The following LMO1 variants were observed in gnomAD, a reference collection of about 807,000 sequenced individuals.
The protein encoded by LMO1 is rhombotin-1.
LMO1 carries 10 observed loss-of-function variants against 18.0 expected under a neutral mutation model. That is an observed-to-expected ratio of 0.55 (90% CI 0.34 to 0.94). The LOEUF is 0.94. Ranked by LOEUF, LMO1 falls within the 40% of genes least tolerant of loss-of-function variation. LMO1 has a pLI of 0.02. For synonymous variants in LMO1, 77 were observed against 77.9 expected (o/e 0.99, Z 0.06); for missense variants, 183 against 205.7 (o/e 0.89, Z 0.68).
At chr11:8,244,875 T>C (rs536296660) in intron 1 of LMO1, among the ~76,000 whole-genome samples, 2 of 152,288 alleles carry the variant, frequency 1.3e-5, no homozygotes, top group South Asian at 4.1e-4. Flanking sequence ...CTCACCTTCC[T>C]GGCCAGCCCA....
chr11:8,226,961 A>C lies in LMO1; in HGVS notation c.365+14T>G. ...GTCTGGGGAGTGTGTTGGGTCGGCC[A>C]GTCCAGCACTGACCTCTGGTTGCAG... On this transcript the variant is annotated intron_variant, in intron 3 of 3. Transcript: ENST00000335790. The C allele has an allele frequency of 6.2e-7, 1 of 1,605,792 alleles. No homozygotes were observed. The highest frequency in any genetic ancestry group is 8.5e-7 in the Non-Finnish European group (1 of 1,174,270).
chr11:8,233,105 C>T (rs746860408), intron 1 of LMO1, among the ~76,000 whole-genome samples: 19 of 152,218 alleles, frequency 1.2e-4, no homozygotes, highest in Non-Finnish European at 2.5e-4. Flanking sequence ...AAGACCTGGA[C>T]ACCCCTCCCT....
At chr11:8,252,634 T>A (rs1847020655) in intron 1 of LMO1, among the ~76,000 whole-genome samples, 1 of 152,262 alleles carries the variant, frequency 6.6e-6, no homozygotes, top group Non-Finnish European at 1.5e-5. Flanking sequence ...GGCAGCCACG[T>A]TGGAGAGGCC....
chr11:8,262,205 A>C (rs1388123364), intron 1 of LMO1, among the ~76,000 whole-genome samples: 1 of 152,220 alleles, frequency 6.6e-6, no homozygotes, highest in African/African-American at 2.4e-5. Flanking sequence ...TGGCCACTAC[A>C]GTCACTTTAA....
chr11:8,259,449 G>A (rs1009306501), intron 1 of LMO1, among the ~76,000 whole-genome samples: 3 of 152,202 alleles, frequency 2.0e-5, no homozygotes, highest in African/African-American at 4.8e-5. Flanking sequence ...GAGGGCTGCC[G>A]CTGGGGCTGG....
rs1389238703 is a variant in LMO1, at chr11:8,224,390, ATACAGAAGACAGACTG to A, written c.*210_*225del. 1 of 537,702 alleles carries A rather than the reference ATACAGAAGACAGACTG, an allele frequency of 1.9e-6. No individual in the cohort carries two copies. Among genetic ancestry groups the A allele is most frequent in the Admixed American group, 3.1e-5 (1 of 32,212 alleles). 33.3% of individuals were successfully genotyped at this position (537,702 alleles called of 1,614,324 possible). A position where few individuals can be genotyped will look rare whatever the true frequency, so the allele number is the denominator to read the frequency against. On this transcript the variant is annotated 3_prime_UTR_variant, in exon 4 of 4. Coordinates refer to ENST00000335790, the MANE Select transcript of LMO1 (RefSeq NM_002315.3). ...TCATAAAATAAATGTTCCCATTTATATACAGAAGACAGACTGTACAGGCCCGGCCTGGCCCCAGGAG... is the reference window on the plus strand; with the variant it reads ...TCATAAAATAAATGTTCCCATTTATATACAGGCCCGGCCTGGCCCCAGGAG...
intron 1 of LMO1, among the ~76,000 whole-genome samples, chr11:8,254,663 G>A (rs1447250152): frequency 1.3e-5 from 2 of 152,172 alleles, no homozygotes; most frequent in Admixed American, 1.3e-4. Flanking sequence ...GGGCTCCCAT[G>A]GCAGCCCCAC....
chr11:8,249,441 G>T (rs1199004950), intron 1 of LMO1, among the ~76,000 whole-genome samples: 1 of 152,204 alleles, frequency 6.6e-6, no homozygotes, highest in Non-Finnish European at 1.5e-5. Flanking sequence ...TTAATAAAAT[G>T]TAAATTTGAG....
rs142817725 is a variant in LMO1, at chr11:8,224,772, A to AG, written c.366-52dup. ...AGCCATGGGAAGGTCCCAGTGGGTAAGGGGGGGGCTGCAGACAGAAGCCGG... is the reference window on the plus strand; with the variant it reads ...AGCCATGGGAAGGTCCCAGTGGGTAAGGGGGGGGGCTGCAGACAGAAGCCGG... On this transcript the variant is annotated intron_variant, in intron 3 of 3. Transcript: ENST00000335790. The AG allele has an allele frequency of 9.8e-4, 1,216 of 1,239,696 alleles. 4 individuals are homozygous for AG. In the African/African-American group the frequency reaches 0.01, roughly 10 times the overall value. The allele number at this position is 1,239,696 out of a possible 1,614,324, so 76.8% of individuals were successfully genotyped here.
chr11:8,247,954 GCC>G (rs1264378336), intron 1 of LMO1, among the ~76,000 whole-genome samples: 1 of 152,226 alleles, frequency 6.6e-6, no homozygotes, highest in Non-Finnish European at 1.5e-5. Context: ...GCACAGTGCT[GCC>G]TGGCTGGCAA....
chr11:8,224,638 GT>G lies in LMO1; in HGVS notation c.448del (p.Thr150ProfsTer68). The G allele has an allele frequency of 6.2e-7, 1 of 1,607,902 alleles. No homozygotes were observed. Among genetic ancestry groups the G allele is most frequent in the Non-Finnish European group, 8.5e-7 (1 of 1,176,548 alleles). ...GCGTTACTGAACTTGGGATTCAAAG[GT>G]GCCATTGAGCTGCCCTTCCTCATAG... Reference protein sequence around the residue: ...MDYEEGQLNGTFESQVQ With the variant: ...MDYEEGQLNGXFESQVQ On this transcript the variant is annotated frameshift_variant, in exon 4 of 4. Transcript: ENST00000335790. LOFTEE classifies it high-confidence loss of function.
At chr11:8,245,069 T>C (rs114102081) in intron 1 of LMO1, among the ~76,000 whole-genome samples, 1,692 of 152,318 alleles carry the variant, frequency 0.011, 33 homozygotes, top group African/African-American at 0.038. Context: ...TCCCAAGTCC[T>C]TGTTGTGGTG....
intron 1 of LMO1, among the ~76,000 whole-genome samples, chr11:8,261,885 C>A (rs1424624865): frequency 6.6e-6 from 1 of 152,138 alleles, no homozygotes; most frequent in South Asian, 2.1e-4. Flanking sequence ...ATGTCCCACC[C>A]CAGCTAGCCC....
At chr11:8,224,906 AGGCCAGCCCCAACCTT>A (rs1952506421) in intron 3 of LMO1, among the ~76,000 whole-genome samples, 185 bp from the exon 4 acceptor site, 1 of 152,088 alleles carries the variant, frequency 6.6e-6, no homozygotes, top group Non-Finnish European at 1.5e-5. Flanking sequence ...CAATTCCCCC[AGGCCAGCCCCAACCTT>A]GGCCAGGCCC....
chr11:8,267,376 C>A (rs988061244), upstream of LMO1, among the ~76,000 whole-genome samples: 3 of 152,250 alleles, frequency 2.0e-5, no homozygotes, highest in Non-Finnish European at 4.4e-5. Context: ...AAGGGACTAG[C>A]TGGGCCAGAG....
chr11:8,225,399 CATCT>C (rs1462889281), intron 3 of LMO1, among the ~76,000 whole-genome samples: 3 of 70,142 alleles, frequency 4.3e-5, no homozygotes, highest in Non-Finnish European at 7.8e-5. Context: ...AGTAAGACTC[CATCT>C]CAAAAAAAAA....
rs939874738 is a variant in LMO1, at chr11:8,251,987, G to T, written c.25+11351C>A. Among the ~76,000 whole-genome samples, 86 of 111,594 alleles carry T rather than the reference G, an allele frequency of 7.7e-4. No homozygotes were observed. The East Asian group carries it at 0.018, about 23-fold the overall frequency. 73.2% of individuals were successfully genotyped at this position (111,594 alleles called of 152,430 possible). On this transcript the variant is annotated intron_variant, in intron 1 of 3. Transcript: ENST00000335790. ...GTGTGTGGGGGTGTGCGTGTGTGGG[G>T]GTGTGCGTGTGTGTGTGTGAATGTG...
At chr11:8,261,756 C>T (rs1847189505) in intron 1 of LMO1, among the ~76,000 whole-genome samples, 1 of 152,102 alleles carries the variant, frequency 6.6e-6, no homozygotes, top group Non-Finnish European at 1.5e-5. Flanking sequence ...TCTCTTCCCT[C>T]CCTGTCTGGC....
At chr11:8,235,606 T>G (rs1565179268) in intron 1 of LMO1, among the ~76,000 whole-genome samples, 1 of 152,186 alleles carries the variant, frequency 6.6e-6, no homozygotes, top group Non-Finnish European at 1.5e-5. Context: ...GTTGTCAAGT[T>G]TAGTCTACTT....
Sources: gnomAD v4.1 joint callset for allele counts (sites outside exome capture counted in the v4.1 genomes callset) on GRCh38, gnomAD v4.1.1 for gene constraint, MANE v1.5 for transcripts, NCBI Gene and HGNC (gene_info 2026-07-23, HGNC 2026-07-21) for gene names.